The following PHACTR3 variants were observed in gnomAD, a reference collection of about 807,000 sequenced individuals.
PHACTR3 encodes the protein phosphatase and actin regulator 3.
A neutral mutation model predicts 66.8 loss-of-function variants in PHACTR3; 16 were observed. That is an observed-to-expected ratio of 0.24 (90% CI 0.16 to 0.36). PHACTR3 has a LOEUF of 0.36. Among genes scored for constraint, PHACTR3 ranks in the 10% least tolerant of loss-of-function variants. The pLI, the probability that PHACTR3 is intolerant of heterozygous loss-of-function variation, is 1.00. For missense variants in PHACTR3, 647 were observed against 719.9 expected, an observed-to-expected ratio of 0.90 and a Z score of 1.16; for synonymous variants, 323 against 292.1, an observed-to-expected ratio of 1.11 and a Z score of -1.08.
At position 59,830,815 on chromosome 20, in the gene PHACTR3, G is replaced by T. The variant is rs368021659; in HGVS notation, c.1329-5690G>T. Among the ~76,000 whole-genome samples, 15 of 152,304 alleles carry T rather than the reference G, an allele frequency of 9.8e-5. No homozygotes were observed. In the East Asian group the frequency reaches 2.3e-3, roughly 24 times the overall value. Reference sequence around the variant, plus strand: ...AGGGAGGGCGTGACGCCATCACCCAGCTGGCAGGGGTCAGAGCTGGAACTG... The same window carrying T: ...AGGGAGGGCGTGACGCCATCACCCATCTGGCAGGGGTCAGAGCTGGAACTG... On this transcript the variant is annotated intron_variant, in intron 8 of 12. Transcript: ENST00000371015. This position sits in a 1 kb window ranked among gnomAD's most constrained non-coding sequence, Gnocchi z 5.8.
At chr20:59,713,145 T>C (rs533956179) in intron 1 of PHACTR3, among the ~76,000 whole-genome samples, 56 of 152,368 alleles carry the variant, frequency 3.7e-4, no homozygotes, top group Admixed American at 9.1e-4. Context: ...TGGGTGCCTG[T>C]TGAATGTGTG....
intron 1 of PHACTR3, among the ~76,000 whole-genome samples, chr20:59,609,374 G>A (rs905181990): frequency 1.3e-5 from 2 of 151,946 alleles, no homozygotes; most frequent in African/African-American, 2.4e-5. Context: ...CCCACACACC[G>A]TCAACACCAG....
At chr20:59,639,012 G>C (rs2035003095) in intron 1 of PHACTR3, among the ~76,000 whole-genome samples, 2 of 149,400 alleles carry the variant, frequency 1.3e-5, no homozygotes, top group South Asian at 4.3e-4. Context: ...ATAGGTGGGT[G>C]GGTGGATGGG....
chr20:59,582,514 C>T (rs962555411), intron 1 of PHACTR3, among the ~76,000 whole-genome samples: 2 of 151,948 alleles, frequency 1.3e-5, no homozygotes, highest in Non-Finnish European at 2.9e-5. Flanking sequence ...GCTGCTATTG[C>T]CAGACTGTTT....
At chr20:59,825,190 GGCACACA>G (rs2042151027) in intron 8 of PHACTR3, among the ~76,000 whole-genome samples, 1 of 152,210 alleles carries the variant, frequency 6.6e-6, no homozygotes, top group Non-Finnish European at 1.5e-5. Flanking sequence ...GTCCTGGGTT[GGCACACA>G]TACTGCCTTT....
At chr20:59,819,186 C>G (rs2041964473) in intron 8 of PHACTR3, among the ~76,000 whole-genome samples, 1 of 152,128 alleles carries the variant, frequency 6.6e-6, no homozygotes, top group Non-Finnish European at 1.5e-5. Flanking sequence ...AGGAGAATCG[C>G]TTGAGTCCAG....
chr20:59,680,570 G>A (rs560280814), intron 1 of PHACTR3, among the ~76,000 whole-genome samples: 2 of 152,152 alleles, frequency 1.3e-5, no homozygotes, highest in African/African-American at 2.4e-5. Flanking sequence ...ACCCAAGCTT[G>A]TCCAACCCAA....
chr20:59,809,928 G>A (rs927932918), intron 8 of PHACTR3, among the ~76,000 whole-genome samples: 2 of 152,134 alleles, frequency 1.3e-5, no homozygotes, highest in African/African-American at 4.8e-5. Context: ...CGCACTATTT[G>A]TACCGTGTTT....
intron 4 of PHACTR3, among the ~76,000 whole-genome samples, chr20:59,760,640 A>G (rs955686582): frequency 2.0e-5 from 3 of 152,180 alleles, no homozygotes. Flanking sequence ...TGAGTCCATT[A>G]AACTTCTTTT....
intron 1 of PHACTR3, among the ~76,000 whole-genome samples, chr20:59,735,722 G>A (rs894988476): frequency 6.6e-6 from 1 of 152,144 alleles, no homozygotes; most frequent in South Asian, 2.1e-4. Context: ...GCAAAGATGC[G>A]AGACCCAGCA....
Position 59,845,232 on chromosome 20 carries a change from T to C in PHACTR3, c.1631T>C (p.Met544Thr), listed in dbSNP as rs1454774105. The change falls in exon 12 of 13, where the codon ATG becomes ACG. Residue 544 changes from methionine to threonine, a missense_variant. Physicochemically the swap from Met to Thr is moderately conservative, Grantham distance 81. Transcript: ENST00000371015. ...TTAAATGAGTACAAAAGTAATGAAA[T>C]GGAGGTACATGCATCAAGCAAGCAC... ...KELNEYKSNEMEVHASSKHLT... is the reference protein window; with the variant it reads ...KELNEYKSNETEVHASSKHLT... The C allele has an allele frequency of 6.2e-7, 1 of 1,609,820 alleles. No homozygotes were observed. Among genetic ancestry groups the C allele is most frequent in the Admixed American group, 1.7e-5 (1 of 59,758 alleles).
At chr20:59,784,746 C>T (rs370797148) in intron 7 of PHACTR3, among the ~76,000 whole-genome samples, 6 of 152,204 alleles carry the variant, frequency 3.9e-5, no homozygotes, top group African/African-American at 1.4e-4. Context: ...CCTTGGGCTA[C>T]ACTGTGGGAC....
intron 1 of PHACTR3, among the ~76,000 whole-genome samples, chr20:59,623,754 C>T (rs915766011): frequency 2.0e-5 from 3 of 152,106 alleles, no homozygotes; most frequent in Non-Finnish European, 4.4e-5. Flanking sequence ...GGAGGGGCAC[C>T]GTGTGAGCAT....
intron 1 of PHACTR3, among the ~76,000 whole-genome samples, chr20:59,597,814 T>C (rs2033366000): frequency 6.6e-6 from 1 of 152,220 alleles, no homozygotes; most frequent in Non-Finnish European, 1.5e-5. Flanking sequence ...TGGCTGCTGC[T>C]GTTCCAGGCC....
chr20:59,679,537 A>C (rs992839542), intron 1 of PHACTR3, among the ~76,000 whole-genome samples: 1 of 151,920 alleles, frequency 6.6e-6, no homozygotes, highest in Admixed American at 6.6e-5. Context: ...TAGTAAATCA[A>C]GGTCACCCAC....
At chr20:59,755,481 C>CA in intron 4 of PHACTR3, 117 bp downstream of exon 4, 2 of 1,209,020 alleles carry the variant, frequency 1.7e-6, no homozygotes, top group Non-Finnish European at 2.3e-6. Context: ...CTCCAGAGAG[C>CA]TGGGCCCGTG....
intron 1 of PHACTR3, among the ~76,000 whole-genome samples, chr20:59,637,843 G>A (rs1306599232): frequency 2.6e-5 from 4 of 152,112 alleles, no homozygotes; most frequent in African/African-American, 9.7e-5. Context: ...GTTCTATGAG[G>A]GTGGCTACCA....
At chr20:59,668,932 G>A (rs530765833) in intron 1 of PHACTR3, among the ~76,000 whole-genome samples, 3 of 123,068 alleles carry the variant, frequency 2.4e-5, no homozygotes, top group Non-Finnish European at 5.2e-5. Flanking sequence ...ATTTTTAGTA[G>A]AGACAGGGTT....
At chr20:59,826,832 G>T (rs1175300999) in intron 8 of PHACTR3, among the ~76,000 whole-genome samples, 1 of 152,204 alleles carries the variant, frequency 6.6e-6, no homozygotes, top group Non-Finnish European at 1.5e-5. Context: ...AGTAGCATTG[G>T]CAGGGCTGGG....
Sources: allele counts gnomAD v4.1 joint callset (sites outside exome capture counted in the v4.1 genomes callset), GRCh38; gene constraint gnomAD v4.1.1; non-coding constraint Gnocchi (gnomAD v3.1); transcripts MANE v1.5; gene names NCBI Gene and HGNC (gene_info 2026-07-23, HGNC 2026-07-21).